The following SLC35F3 variants were observed in gnomAD, a reference collection of about 807,000 sequenced individuals.
SLC35F3 encodes solute carrier family 35 member F3, also known as putative thiamine transporter SLC35F3.
A neutral mutation model predicts 49.9 loss-of-function variants in SLC35F3; 25 were observed. That is an observed-to-expected ratio of 0.50 (90% CI 0.37 to 0.70). The LOEUF (loss-of-function observed/expected upper bound fraction) is 0.70. Among genes scored for constraint, SLC35F3 ranks in the 30% least tolerant of loss-of-function variants. The probability of loss-of-function intolerance (pLI) is 0.00; values close to 1 mark genes in which losing one functional copy is unlikely to be tolerated. For synonymous variants in SLC35F3, 275 were observed against 265.4 expected, an observed-to-expected ratio of 1.04 and a Z score of -0.35; for missense variants, 525 against 639.8, an observed-to-expected ratio of 0.82 and a Z score of 1.94.
intron 2 of SLC35F3, among the ~76,000 whole-genome samples, chr1:234,143,996 T>TAGC (rs1191011043): frequency 7.2e-5 from 11 of 152,076 alleles, no homozygotes; most frequent in African/African-American, 2.7e-4. Context: ...CAGTCTAAGG[T>TAGC]AGCCAAGAGA....
chr1:234,108,890 G>A (rs980323032), intron 2 of SLC35F3, among the ~76,000 whole-genome samples: 1 of 149,508 alleles, frequency 6.7e-6, no homozygotes, highest in Non-Finnish European at 1.5e-5. Context: ...ACAAGCAATT[G>A]CTATAGCCAT....
rs534865836 is a variant in SLC35F3 at position 234,128,855 on chromosome 1, C to T, written c.284-102562C>T. ...CACTCTGTCGGAAAATCGGGGACAC[C>T]GCAGTAGATTCGTAACTTGGGGGCC... On this transcript the variant is annotated intron_variant, in intron 2 of 7. Coordinates refer to ENST00000366618, the MANE Select transcript of SLC35F3 (RefSeq NM_173508.4). Among the ~76,000 whole-genome samples the T allele has an allele frequency of 1.7e-4, 26 of 152,226 alleles. No individual in the cohort carries two copies. In the South Asian group the frequency reaches 2.9e-3, roughly 17 times the overall value.
chr1:234,229,261 AT>A (rs35284802), intron 2 of SLC35F3, among the ~76,000 whole-genome samples: 1 of 152,144 alleles, frequency 6.6e-6, no homozygotes, highest in African/African-American at 2.4e-5. Context: ...ACTGCATTAC[AT>A]TTTGGAAAAC....
chr1:234,257,014 G>T (rs772270638), intron 3 of SLC35F3, among the ~76,000 whole-genome samples: 2 of 152,180 alleles, frequency 1.3e-5, no homozygotes, highest in Non-Finnish European at 2.9e-5. Flanking sequence ...TAGTTTCATG[G>T]TAATAAAAAT....
intron 2 of SLC35F3, among the ~76,000 whole-genome samples, chr1:234,122,873 G>A (rs913377487): frequency 9.2e-5 from 14 of 152,160 alleles, no homozygotes; most frequent in African/African-American, 3.1e-4. Flanking sequence ...TATCATTGAT[G>A]GGCATTTGGG....
At chr1:234,090,367 G>C (rs1665024433) in intron 2 of SLC35F3, among the ~76,000 whole-genome samples, 1 of 152,268 alleles carries the variant, frequency 6.6e-6, no homozygotes, top group Non-Finnish European at 1.5e-5. Flanking sequence ...TTACGGACCA[G>C]ATTTGTTCTG....
chr1:234,097,811 T>C (rs111557140), intron 2 of SLC35F3, among the ~76,000 whole-genome samples: 1,611 of 152,264 alleles, frequency 0.011, 30 homozygotes, highest in African/African-American at 0.033. Flanking sequence ...TGACAGAAAA[T>C]ACAGGTGTGG....
At chr1:234,182,866 A>T (rs1666584037) in intron 2 of SLC35F3, among the ~76,000 whole-genome samples, 1 of 151,858 alleles carries the variant, frequency 6.6e-6, no homozygotes, top group Non-Finnish European at 1.5e-5. Context: ...CTTCCTGTGA[A>T]CTCTGACCAT....
intron 5 of SLC35F3, among the ~76,000 whole-genome samples, chr1:234,316,969 A>G (rs1657504535): frequency 6.6e-6 from 1 of 152,224 alleles, no homozygotes; most frequent in Non-Finnish European, 1.5e-5. Context: ...CTGTAGCCAC[A>G]TCGTTGCAGC....
chr1:234,294,796 C>G (rs774174529), intron 3 of SLC35F3, among the ~76,000 whole-genome samples: 9 of 152,020 alleles, frequency 5.9e-5, no homozygotes, highest in Admixed American at 3.9e-4. Context: ...AGGAAGAGAT[C>G]GTGCTCTGCT....
intron 2 of SLC35F3, among the ~76,000 whole-genome samples, chr1:234,140,269 A>C (rs764295085): frequency 6.6e-6 from 1 of 152,160 alleles, no homozygotes; most frequent in Non-Finnish European, 1.5e-5. Flanking sequence ...CTCATCACGC[A>C]GGCATTTAAT....
chr1:234,172,472 C>T (rs765370840), intron 2 of SLC35F3, among the ~76,000 whole-genome samples: 18 of 152,166 alleles, frequency 1.2e-4, no homozygotes, highest in Non-Finnish European at 2.5e-4. Context: ...GGGGATCCAC[C>T]CACCTTGGCC....
intron 2 of SLC35F3, among the ~76,000 whole-genome samples, chr1:234,012,277 G>A (rs1447010701): frequency 6.6e-6 from 1 of 152,234 alleles, no homozygotes; most frequent in African/African-American, 2.4e-5. Context: ...GTACAATTGG[G>A]TTTTATACTG....
intron 2 of SLC35F3, among the ~76,000 whole-genome samples, chr1:234,225,190 C>T (rs1667268474): frequency 6.6e-6 from 1 of 152,204 alleles, no homozygotes; most frequent in South Asian, 2.1e-4. Context: ...CCCCCCCTTT[C>T]CTCTACATCA....
chr1:234,271,102 T>C (rs1248650170), intron 3 of SLC35F3, among the ~76,000 whole-genome samples: 2 of 152,364 alleles, frequency 1.3e-5, no homozygotes, highest in East Asian at 3.9e-4. Context: ...ATTTTATTGC[T>C]GTTAAAACTT....
At chr1:234,041,936 T>C (rs911266481) in intron 2 of SLC35F3, among the ~76,000 whole-genome samples, 2 of 152,186 alleles carry the variant, frequency 1.3e-5, no homozygotes, top group African/African-American at 4.8e-5. Context: ...GGGTGATGCC[T>C]TCTGAGCTCA....
chr1:234,034,149 C>T (rs1236771741), intron 2 of SLC35F3, among the ~76,000 whole-genome samples: 1 of 152,170 alleles, frequency 6.6e-6, no homozygotes, highest in Non-Finnish European at 1.5e-5. Flanking sequence ...TGATTTGATT[C>T]TCAGCTTGGT....
intron 2 of SLC35F3, among the ~76,000 whole-genome samples, chr1:233,969,085 A>G (rs892555241): frequency 9.3e-5 from 14 of 151,274 alleles, no homozygotes; most frequent in African/African-American, 3.4e-4. Context: ...AATTCAACCC[A>G]TAACATAGAG....
chr1:234,279,394 C>T (rs1324405550), intron 3 of SLC35F3, among the ~76,000 whole-genome samples: 1 of 152,050 alleles, frequency 6.6e-6, no homozygotes, highest in African/African-American at 2.4e-5. Flanking sequence ...TCACAGGGGG[C>T]ACACAAATTT....
Sources: allele counts gnomAD v4.1 joint callset (sites outside exome capture counted in the v4.1 genomes callset), GRCh38; gene constraint gnomAD v4.1.1; transcripts MANE v1.5; gene names NCBI Gene and HGNC (gene_info 2026-07-23, HGNC 2026-07-21).